HPSE2: variants seen among roughly 807,000 people sequenced by gnomAD.
The protein encoded by HPSE2 is heparanase 2 (inactive).
In HPSE2, 38 loss-of-function variants were observed where a neutral mutation model predicts 60.5. That is an observed-to-expected ratio of 0.63 (90% CI 0.48 to 0.82). The LOEUF is 0.82. Among genes scored for constraint, HPSE2 ranks in the 40% least tolerant of loss-of-function variants. The probability of loss-of-function intolerance (pLI) is 0.00; values close to 1 mark genes in which losing one functional copy is unlikely to be tolerated. For synonymous variants in HPSE2, 295 were observed against 293.2 expected, an observed-to-expected ratio of 1.01 and a Z score of -0.06; for missense variants, 713 against 740.4, an observed-to-expected ratio of 0.96 and a Z score of 0.43.
At chr10:99,294,953 C>T in the HPSE2 span, among the ~76,000 whole-genome samples, 1 of 151,616 alleles carries the variant, frequency 6.6e-6, no homozygotes, top group Non-Finnish European at 1.5e-5. Context: ...GAGACTCAGT[C>T]TCAAAACACA....
At chr10:98,498,328 A>G (rs1164912418) in intron 9 of HPSE2, among the ~76,000 whole-genome samples, 2 of 152,182 alleles carry the variant, frequency 1.3e-5, no homozygotes, top group Non-Finnish European at 2.9e-5. Flanking sequence ...AGGACTCTGC[A>G]GACAACCCCC....
At chr10:98,981,745 A>G (rs534101137) in intron 3 of HPSE2, among the ~76,000 whole-genome samples, 11 of 152,186 alleles carry the variant, frequency 7.2e-5, no homozygotes, top group African/African-American at 2.6e-4. Flanking sequence ...CAATATATCT[A>G]AAACTGGTTT....
chr10:99,144,641 T>C (rs1344147870), intron 2 of HPSE2, among the ~76,000 whole-genome samples: 4 of 152,212 alleles, frequency 2.6e-5, no homozygotes, highest in Non-Finnish European at 5.9e-5. Context: ...TCTGACATCA[T>C]TTAAGATTCT....
chr10:99,087,179 A>G (rs1347723119), intron 3 of HPSE2, among the ~76,000 whole-genome samples: 1 of 152,266 alleles, frequency 6.6e-6, no homozygotes, highest in Non-Finnish European at 1.5e-5. Context: ...GTGTACTTTC[A>G]AAAGCATATT....
the HPSE2 span, among the ~76,000 whole-genome samples, chr10:99,293,047 G>A: frequency 1.3e-5 from 2 of 152,062 alleles, no homozygotes; most frequent in South Asian, 4.1e-4. Context: ...AAAGCAGGGG[G>A]CCAAAAGTTC....
intron 10 of HPSE2, among the ~76,000 whole-genome samples, chr10:98,483,957 G>T (rs559621665): frequency 3.3e-4 from 50 of 152,176 alleles, no homozygotes; most frequent in African/African-American, 1.1e-3. Context: ...CACTAATTTT[G>T]CTCCCACCTG....
intron 9 of HPSE2, among the ~76,000 whole-genome samples, chr10:98,586,257 AC>A (rs1360709260): frequency 1.3e-5 from 2 of 152,130 alleles, no homozygotes; most frequent in African/African-American, 4.8e-5. Context: ...TCGTATTTTG[AC>A]ATATTTCTGA....
chr10:98,534,247 A>G (rs1943214772), intron 9 of HPSE2, among the ~76,000 whole-genome samples: 2 of 152,176 alleles, frequency 1.3e-5, no homozygotes, highest in African/African-American at 2.4e-5. Flanking sequence ...GCTTCAAATA[A>G]CACTGCCATG....
At chr10:98,744,302 C>A (rs1301484172) in intron 3 of HPSE2, among the ~76,000 whole-genome samples, 1 of 151,838 alleles carries the variant, frequency 6.6e-6, no homozygotes, top group Non-Finnish European at 1.5e-5. Flanking sequence ...CCGAGGTGGG[C>A]AGATCACCTA....
intron 3 of HPSE2, among the ~76,000 whole-genome samples, chr10:99,071,227 G>A (rs1055038831): frequency 6.6e-6 from 1 of 151,802 alleles, no homozygotes; most frequent in African/African-American, 2.4e-5. Context: ...CCACCACCAC[G>A]CCCAGCTAAT....
chr10:99,130,113 G>A (rs1169891596), intron 3 of HPSE2, among the ~76,000 whole-genome samples: 1 of 151,914 alleles, frequency 6.6e-6, no homozygotes, highest in Non-Finnish European at 1.5e-5. Context: ...CCAATAACAA[G>A]TAGTGAGATT....
intron 9 of HPSE2, among the ~76,000 whole-genome samples, chr10:98,505,867 T>C (rs1255019745): frequency 1.3e-5 from 2 of 152,234 alleles, no homozygotes; most frequent in Non-Finnish European, 2.9e-5. Flanking sequence ...ACCTCTATTC[T>C]GCCCTGTTTC....
intron 3 of HPSE2, among the ~76,000 whole-genome samples, chr10:98,936,195 C>A (rs1367915313): frequency 6.9e-6 from 1 of 144,442 alleles, no homozygotes; most frequent in African/African-American, 2.8e-5. Context: ...GACTTCTGTA[C>A]TTGCAATGGG....
At chr10:99,176,374 A>T (rs964340175) in intron 2 of HPSE2, among the ~76,000 whole-genome samples, 2 of 152,188 alleles carry the variant, frequency 1.3e-5, no homozygotes, top group Non-Finnish European at 2.9e-5. Context: ...AGGAACCTTG[A>T]AAAAAGGTTA....
chr10:99,195,784 C>T (rs1327958375), intron 2 of HPSE2, among the ~76,000 whole-genome samples: 1 of 151,866 alleles, frequency 6.6e-6, no homozygotes, highest in Non-Finnish European at 1.5e-5. Flanking sequence ...CCATTCTACC[C>T]ATAGCAATCT....
intron 3 of HPSE2, among the ~76,000 whole-genome samples, chr10:99,114,811 G>A (rs1844609526): frequency 1.3e-5 from 2 of 151,286 alleles, no homozygotes; most frequent in Admixed American, 1.3e-4. Flanking sequence ...CTACTCGGGA[G>A]GCTGAGGCAG....
the HPSE2 span, among the ~76,000 whole-genome samples, chr10:99,245,097 T>G: frequency 6.6e-6 from 1 of 152,218 alleles, no homozygotes; most frequent in African/African-American, 2.4e-5. Flanking sequence ...TTTGATTTTC[T>G]GAAGCCTGGA....
At chr10:98,713,433 A>G in intron 5 of HPSE2, among the ~76,000 whole-genome samples, 1 of 151,928 alleles carries the variant, frequency 6.6e-6, no homozygotes, top group South Asian at 2.1e-4. Context: ...GAATCCTCCA[A>G]ATTGTAATTC....
At chr10:98,597,970 CAAAAAAAA>C (rs571184082) in intron 9 of HPSE2, among the ~76,000 whole-genome samples, 1 of 55,152 alleles carries the variant, frequency 1.8e-5, no homozygotes, top group African/African-American at 6.6e-5. Flanking sequence ...GACTCCATCT[CAAAAAAAA>C]AAAAAAAAAA....
Sources: gnomAD v4.1 joint callset for allele counts (sites outside exome capture counted in the v4.1 genomes callset) on GRCh38, gnomAD v4.1.1 for gene constraint, MANE v1.5 for transcripts, NCBI Gene and HGNC (gene_info 2026-07-23, HGNC 2026-07-21) for gene names.